Variants in TRHDE observed in about 807,000 individuals in gnomAD.
TRHDE encodes thyrotropin-releasing hormone-degrading ectoenzyme.
Under a neutral mutation model 125.7 loss-of-function variants are expected in TRHDE, and 72 were observed. The ratio of observed to expected loss-of-function variants is 0.57; its 90% CI spans 0.47 to 0.70. The LOEUF (loss-of-function observed/expected upper bound fraction) is 0.70, where lower values mean the gene tolerates loss of function less well. TRHDE is among the 30% of genes least tolerant of loss of function. TRHDE has a pLI of 0.00. For missense variants in TRHDE, 1,110 were observed against 1,327.1 expected (o/e 0.84, Z 2.54); for synonymous variants, 509 against 509.1 (o/e 1.00, Z 0.00).
chr12:72,221,561 G>T (rs11179114), intron 2 of TRHDE, among the ~76,000 whole-genome samples: 1 of 152,038 alleles, frequency 6.6e-6, no homozygotes, highest in Non-Finnish European at 1.5e-5. Flanking sequence ...ATTTAAAATA[G>T]TGTAGAAAAG....
chr12:72,199,340 C>T (rs138052337), intron 2 of TRHDE, among the ~76,000 whole-genome samples: 1 of 152,140 alleles, frequency 6.6e-6, no homozygotes, highest in Admixed American at 6.5e-5. Flanking sequence ...GCACTCAGCT[C>T]TAACTTCCTG....
Position 72,445,815 on chromosome 12 carries a change from T to G in TRHDE, c.1316-23943T>G, listed in dbSNP as rs115364165. Among the ~76,000 whole-genome samples, 493 of 152,050 alleles carry G rather than the reference T, an allele frequency of 3.2e-3. 2 individuals carry two copies. Among genetic ancestry groups the G allele is most frequent in the African/African-American group, 0.011 (458 of 41,520 alleles). On this transcript the variant is annotated intron_variant, in intron 3 of 18. Transcript: ENST00000261180. Reference sequence around the variant, plus strand: ...TTGCCAATATTTTACAGTTGGGAGATTTCACATAAAAATCCAGATTACTAG... The same window carrying G: ...TTGCCAATATTTTACAGTTGGGAGAGTTCACATAAAAATCCAGATTACTAG...
chr12:72,297,857 C>A (rs562974475), intron 2 of TRHDE, among the ~76,000 whole-genome samples: 1 of 152,056 alleles, frequency 6.6e-6, no homozygotes, highest in Admixed American at 6.6e-5. Context: ...ATGCGGCAGA[C>A]GGAATGGTAG....
At chr12:72,525,918 C>G (rs942530339) in intron 6 of TRHDE, among the ~76,000 whole-genome samples, 1 of 152,022 alleles carries the variant, frequency 6.6e-6, no homozygotes, top group African/African-American at 2.4e-5. Flanking sequence ...TTCTGCCTTT[C>G]GTATTTCTGT....
chr12:72,668,392 G>A lies in TRHDE; in HGVS notation c.*5197G>A, dbSNP rs1026505403. On this transcript the variant is annotated 3_prime_UTR_variant, in exon 19 of 19. Transcript: ENST00000261180. The stretch of plus-strand genomic sequence containing the variant: ...TTTTTAAATAGGTTTTTCACCACTG[G>A]CCCCACTAGTAGATGATTTTACCCC... 1 of 151,474 alleles carries A rather than the reference G, an allele frequency of 6.6e-6. No homozygotes were observed. Among genetic ancestry groups the A allele is most frequent in the Non-Finnish European group, 1.5e-5 (1 of 67,712 alleles). The allele number at this position is 151,474 out of a possible 1,614,324, so 9.4% of individuals were successfully genotyped here.
At chr12:72,343,339 C>T (rs1043742109) in intron 2 of TRHDE, among the ~76,000 whole-genome samples, 6 of 151,830 alleles carry the variant, frequency 4.0e-5, no homozygotes, top group East Asian at 1.9e-4. Flanking sequence ...ACAAAACAGT[C>T]GGCCGTTTAT....
At chr12:72,417,555 A>G (rs1487968223) in intron 3 of TRHDE, among the ~76,000 whole-genome samples, 3 of 151,796 alleles carry the variant, frequency 2.0e-5, no homozygotes, top group African/African-American at 7.3e-5. Flanking sequence ...ATTTGATGTT[A>G]TTTTTCAGAG....
At chr12:72,558,278 T>C (rs2136005820) in intron 7 of TRHDE, among the ~76,000 whole-genome samples, 1 of 152,120 alleles carries the variant, frequency 6.6e-6, no homozygotes, top group East Asian at 1.9e-4. Flanking sequence ...TTGAAGTGGA[T>C]GGGGAATGAT....
intron 2 of TRHDE, among the ~76,000 whole-genome samples, chr12:72,346,368 G>A (rs1182520787): frequency 1.3e-5 from 2 of 152,008 alleles, no homozygotes; most frequent in Non-Finnish European, 2.9e-5. Flanking sequence ...CCTCACAAAA[G>A]CATCCAGCCA....
intron 2 of TRHDE, among the ~76,000 whole-genome samples, chr12:72,168,771 G>A (rs544802687): frequency 2.0e-5 from 3 of 152,128 alleles, no homozygotes; most frequent in African/African-American, 7.2e-5. Context: ...TTTTGAGAAG[G>A]TAAACAATGT....
rs549868758 is a variant in TRHDE, at chr12:72,624,728, G to A, written c.2675+2977G>A. 5.3e-5 allele frequency among the ~76,000 whole-genome samples: 8 copies of A among 152,006 alleles called. No homozygotes were observed. The South Asian group carries it at 1.5e-3, about 28-fold the overall frequency. ...TTCAAATGCTACAGTGTGTTGAATT[G>A]CAATGGTGATGTCATGCATAAAAAT... On this transcript the variant is annotated intron_variant, in intron 15 of 18. Transcript: ENST00000261180.
intron 7 of TRHDE, among the ~76,000 whole-genome samples, chr12:72,545,229 C>G (rs1869357065): frequency 6.6e-6 from 1 of 151,404 alleles, no homozygotes; most frequent in African/African-American, 2.4e-5. Flanking sequence ...GCAAATTCTA[C>G]ATGTCTACTG....
chr12:72,507,786 T>A (rs915931465), intron 6 of TRHDE, among the ~76,000 whole-genome samples: 2 of 152,180 alleles, frequency 1.3e-5, no homozygotes, highest in Non-Finnish European at 2.9e-5. Context: ...ATTTTAGAGA[T>A]CTTTTAGCAG....
At chr12:72,131,623 C>A (rs1195703400) in intron 2 of TRHDE, among the ~76,000 whole-genome samples, 1 of 152,042 alleles carries the variant, frequency 6.6e-6, no homozygotes, top group Non-Finnish European at 1.5e-5. Context: ...CTACAGTTAA[C>A]AAAATGATCC....
Position 72,389,400 on chromosome 12 carries a change from G to A in TRHDE, c.1315+11279G>A, listed in dbSNP as rs142542475. Reference sequence around the variant, plus strand: ...AGGATCTGTTGTCTGGCCATTGAAAGATTTGCTCTTTCACTTTGAGCAGAG... The same window carrying A: ...AGGATCTGTTGTCTGGCCATTGAAAAATTTGCTCTTTCACTTTGAGCAGAG... On this transcript the variant is annotated intron_variant, in intron 3 of 18. Transcript: ENST00000261180. Among the ~76,000 whole-genome samples the A allele has an allele frequency of 2.6e-4, 39 of 152,332 alleles. No homozygotes were observed. In the East Asian group the frequency reaches 7.5e-3, roughly 29 times the overall value.
intron 10 of TRHDE, among the ~76,000 whole-genome samples, chr12:72,570,552 GC>G (rs1402451829): frequency 7.6e-6 from 1 of 131,030 alleles, no homozygotes; most frequent in African/African-American, 2.8e-5. Context: ...TGGCACTCCA[GC>G]CTGAGTGAGA....
chr12:72,590,621 CTG>C (rs1303950393), intron 12 of TRHDE, among the ~76,000 whole-genome samples: 1 of 152,028 alleles, frequency 6.6e-6, no homozygotes, highest in Non-Finnish European at 1.5e-5. Context: ...TTTATTTTAT[CTG>C]CTATTAATAT....
At chr12:72,271,822 C>A, upstream of TRHDE, 1 of 434,034 alleles carries the variant, frequency 2.3e-6, no homozygotes, top group South Asian at 1.7e-5. Flanking sequence ...GCTTCATCTA[C>A]CTGAAGGGGA....
intron 2 of TRHDE, among the ~76,000 whole-genome samples, chr12:72,124,244 T>C (rs1875660232): frequency 6.6e-6 from 1 of 152,226 alleles, no homozygotes; most frequent in African/African-American, 2.4e-5. Flanking sequence ...AATGAATTTA[T>C]TCATACATTT....
Sources: gnomAD v4.1 joint callset for allele counts (sites outside exome capture counted in the v4.1 genomes callset) on GRCh38, gnomAD v4.1.1 for gene constraint, MANE v1.5 for transcripts, NCBI Gene and HGNC (gene_info 2026-07-23, HGNC 2026-07-21) for gene names.